CD44: variants seen among roughly 807,000 people sequenced by gnomAD.
The protein encoded by CD44 is CD44 molecule (IN blood group), also known as CD44 antigen.
A neutral mutation model predicts 88.8 loss-of-function variants in CD44; 49 were observed. The ratio of observed to expected loss-of-function variants is 0.55; its 90% CI spans 0.44 to 0.70. The LOEUF is 0.70. Among genes scored for constraint, CD44 ranks in the 30% least tolerant of loss-of-function variants. The pLI is 0.00. For missense variants in CD44, 883 were observed against 913.8 expected (o/e 0.97, Z 0.43); for synonymous variants, 325 against 312.3 (o/e 1.04, Z -0.43).
Position 35,188,765 on chromosome 11 carries a change from C to T in CD44, c.437-1070C>T, listed in dbSNP as rs183566891. Among the ~76,000 whole-genome samples, 23 of 152,004 alleles carry T rather than the reference C, an allele frequency of 1.5e-4. No individual in the cohort carries two copies. The East Asian group carries it at 1.5e-3, about 10-fold the overall frequency. On this transcript the variant is annotated intron_variant, in intron 4 of 17. Transcript: ENST00000428726. ...CCAGCCTGGCCAACACGGTAAAACC[C>T]CGTGTCAACTAAAAATACAAAAATT...
chr11:35,221,560 G>A, intron 16 of CD44, 94 bp from the exon 17 acceptor site: 2 of 1,046,566 alleles, frequency 1.9e-6, no homozygotes, highest in South Asian at 2.5e-5. Flanking sequence ...TGACTGTGGT[G>A]CTTGTTTCAA....
intron 15 of CD44, 113 bp downstream of exon 15, chr11:35,215,027 C>T (rs1023537070): frequency 1.9e-6 from 1 of 531,566 alleles, no homozygotes; most frequent in Non-Finnish European, 3.1e-6. Flanking sequence ...ACCTTCTTAG[C>T]ATACATCACA....
At chr11:35,179,695 CTGTG>C (rs143887222) in intron 2 of CD44, among the ~76,000 whole-genome samples, 18 of 152,252 alleles carry the variant, frequency 1.2e-4, no homozygotes, top group African/African-American at 4.1e-4. Flanking sequence ...GTGTGCTGTG[CTGTG>C]TACTTGGCAT....
intron 5 of CD44, among the ~76,000 whole-genome samples, chr11:35,190,779 A>ATTGTG (rs1760942694): frequency 6.6e-6 from 1 of 152,240 alleles, no homozygotes; most frequent in African/African-American, 2.4e-5. Flanking sequence ...TTCTGGTGAA[A>ATTGTG]TTAAATCAGC....
rs74396333 is a variant in CD44 at position 35,203,119 on chromosome 11, G to A, written c.1153+1332G>A. On this transcript the variant is annotated intron_variant, in intron 9 of 17. Coordinates refer to ENST00000428726, the MANE Select transcript of CD44 (RefSeq NM_000610.4). The stretch of plus-strand genomic sequence containing the variant: ...CTTATGAATATTTGCGAAACTCAAA[G>A]GGATCTGATTGGTGACCTCTGGGCT... Among the ~76,000 whole-genome samples, 18 of 152,280 alleles carry A rather than the reference G, an allele frequency of 1.2e-4. No homozygotes were observed. The East Asian group carries it at 3.3e-3, about 28-fold the overall frequency.
chr11:35,168,054 C>T (rs184880348), intron 1 of CD44, among the ~76,000 whole-genome samples: 1 of 152,280 alleles, frequency 6.6e-6, no homozygotes. Context: ...AGTGAAAATT[C>T]CATTAGTGAA....
chr11:35,146,180 G>C (rs1029580656), intron 1 of CD44, among the ~76,000 whole-genome samples: 1 of 152,202 alleles, frequency 6.6e-6, no homozygotes, highest in Non-Finnish European at 1.5e-5. Context: ...AGTGTGGGCA[G>C]ACAGATCTCA....
intron 10 of CD44, 29 bp from the exon 11 acceptor site, chr11:35,206,083 T>C (rs772402311): frequency 1.9e-6 from 3 of 1,582,630 alleles, no homozygotes; most frequent in Non-Finnish European, 2.6e-6. Flanking sequence ...ATTAACACTT[T>C]GACAATTGCT....
chr11:35,198,502 T>G, intron 7 of CD44: 1 of 436,078 alleles, frequency 2.3e-6, no homozygotes, highest in South Asian at 4.2e-5. Flanking sequence ...TGCTACAGAT[T>G]GTCTTTGAAT....
chr11:35,149,012 G>A (rs1214877034), intron 1 of CD44, among the ~76,000 whole-genome samples: 1 of 152,130 alleles, frequency 6.6e-6, no homozygotes, highest in Admixed American at 6.5e-5. Context: ...CTTGAGGTTT[G>A]AAATGTTACA....
intron 1 of CD44, among the ~76,000 whole-genome samples, chr11:35,151,486 G>T (rs1590910839): frequency 6.6e-6 from 1 of 152,262 alleles, no homozygotes; most frequent in East Asian, 1.9e-4. Context: ...ACCTACTGTG[G>T]CAATAGCAAA....
intron 11 of CD44, among the ~76,000 whole-genome samples, chr11:35,206,668 G>GA (rs138135425): frequency 0.15 from 18,995 of 123,832 alleles, 1,557 homozygotes; most frequent in East Asian, 0.32. Flanking sequence ...GTGGGGGTTG[G>GA]TGGGGGGGGC....
intron 10 of CD44, 76 bp downstream of exon 10, chr11:35,204,716 A>G: frequency 7.8e-7 from 1 of 1,282,990 alleles, no homozygotes; most frequent in Non-Finnish European, 1.1e-6. Context: ...AGGACATTGA[A>G]CAAAAGGACA....
intron 9 of CD44, 95 bp from the exon 10 acceptor site, chr11:35,204,417 C>G (rs1947625296): frequency 8.5e-7 from 1 of 1,179,152 alleles, no homozygotes; most frequent in Admixed American, 2.0e-5. Flanking sequence ...CCTTCCCTCC[C>G]CATGTGTATC....
intron 6 of CD44, chr11:35,197,215 C>G (rs549270441): frequency 5.7e-6 from 1 of 175,180 alleles, no homozygotes; most frequent in Non-Finnish European, 1.2e-5. Flanking sequence ...AAGTCTTGGA[C>G]TTTCATGAGG....
chr11:35,168,583 A>T (rs1943550758), intron 1 of CD44, among the ~76,000 whole-genome samples: 1 of 152,238 alleles, frequency 6.6e-6, no homozygotes. Context: ...CATCTTCATG[A>T]TAAAGCAACT....
intron 7 of CD44, 135 bp downstream of exon 7, chr11:35,198,381 C>G (rs1043385450): frequency 2.9e-6 from 2 of 688,688 alleles, no homozygotes; most frequent in Non-Finnish European, 4.7e-6. Context: ...TTAGTTATAT[C>G]TTGATGAGAT....
At chr11:35,188,301 T>A (rs918296411) in intron 4 of CD44, among the ~76,000 whole-genome samples, 4 of 152,228 alleles carry the variant, frequency 2.6e-5, no homozygotes, top group Non-Finnish European at 5.9e-5. Flanking sequence ...CCATGATGGC[T>A]ACGACATGAG....
chr11:35,208,128 A>G lies in CD44; in HGVS notation c.1438A>G (p.Thr480Ala), dbSNP rs1397702943. The G allele has an allele frequency of 6.2e-7, 1 of 1,610,296 alleles. No homozygotes were observed. Among genetic ancestry groups the G allele is most frequent in the Non-Finnish European group, 8.5e-7 (1 of 1,176,650 alleles). The change falls in exon 12 of 18, where the codon ACG becomes GCG. Residue 480 changes from threonine to alanine, a missense_variant. Around this residue, in one of 2 missense-constraint regions of CD44, gnomAD observed 631 missense variants for 590.9 expected, o/e 1.07. Coordinates refer to ENST00000428726, the MANE Select transcript of CD44 (RefSeq NM_000610.4). ...RMDMDSSHSITLQPTANPNTG... is the reference protein window; with the variant it reads ...RMDMDSSHSIALQPTANPNTG... ...AGATATGGACTCCAGTCATAGTATA[A>G]CGCTTCAGCCTACTGCAAATCCAAA...
Sources: allele counts gnomAD v4.1 joint callset (sites outside exome capture counted in the v4.1 genomes callset), GRCh38; gene constraint gnomAD v4.1.1; regional missense constraint gnomAD v4.1.1; transcripts MANE v1.5; gene names NCBI Gene and HGNC (gene_info 2026-07-23, HGNC 2026-07-21).